EP400: variants seen among roughly 807,000 people sequenced by gnomAD.
EP400 encodes E1A-binding protein p400.
In EP400, 105 loss-of-function variants were observed where a neutral mutation model predicts 354.1. The observed-to-expected ratio is 0.30, with a 90% CI of 0.25 to 0.35. The LOEUF (loss-of-function observed/expected upper bound fraction) is 0.35, where lower values mean the gene tolerates loss of function less well. Among genes scored for constraint, EP400 ranks in the 10% least tolerant of loss-of-function variants. EP400 has a pLI of 1.00. For synonymous variants in EP400, 1,646 were observed against 1,716.9 expected (o/e 0.96, Z 1.02); for missense variants, 3,280 against 4,121.0 (o/e 0.80, Z 5.59).
chr12:132,044,734 CT>C lies in EP400; in HGVS notation c.6630+22del. 4.3e-6 allele frequency: 7 copies of C among 1,614,204 alleles called. No individual in the cohort carries two copies. Among genetic ancestry groups the C allele is most frequent in the Non-Finnish European group, 5.9e-6 (7 of 1,180,046 alleles). Reference sequence around the variant, plus strand: ...CATGCCGGTGAGTGCTGCCCTCTCCCTTTGTGTCTGTGTGGGCAGCTTCCTG... The same window carrying C: ...CATGCCGGTGAGTGCTGCCCTCTCCCTTGTGTCTGTGTGGGCAGCTTCCTG... On this transcript the variant is annotated intron_variant, in intron 36 of 52. Coordinates refer to ENST00000389561, the MANE Select transcript of EP400 (RefSeq NM_015409.5).
intron 2 of EP400, among the ~76,000 whole-genome samples, chr12:131,978,343 T>G (rs1326253146): frequency 2.6e-5 from 4 of 152,196 alleles, no homozygotes; most frequent in Non-Finnish European, 5.9e-5. Context: ...GTCATTAGCA[T>G]AGTACTGTAG....
chr12:132,059,628 A>G, intron 45 of EP400, among the ~76,000 whole-genome samples: 1 of 152,230 alleles, frequency 6.6e-6, no homozygotes, highest in East Asian at 1.9e-4. Flanking sequence ...CAGAGAAGAG[A>G]AGGCATTATG....
intron 2 of EP400, 106 bp from the exon 3 acceptor site, chr12:131,979,588 A>C: frequency 1.1e-6 from 1 of 895,760 alleles, no homozygotes; most frequent in South Asian, 1.9e-5. Context: ...CATTCCTGTT[A>C]TTAGAAAGGA....
intron 24 of EP400, among the ~76,000 whole-genome samples, chr12:132,024,484 T>G (rs934541293): frequency 2.0e-5 from 3 of 152,360 alleles, no homozygotes; most frequent in African/African-American, 7.2e-5. Context: ...AATCATTTTC[T>G]TCTATCAGCA....
rs1361086921 is a variant in EP400, at chr12:131,982,384, C to T, written c.1835C>T (p.Pro612Leu). 1 of 1,614,216 alleles carries T rather than the reference C, an allele frequency of 6.2e-7. No individual in the cohort carries two copies. Among genetic ancestry groups the T allele is most frequent in the Non-Finnish European group, 8.5e-7 (1 of 1,180,040 alleles). The change falls in exon 5 of 53, where the codon CCC becomes CTC. Residue 612 changes from proline to leucine, a missense_variant. Pro to Leu is a moderately conservative substitution (Grantham distance 98, BLOSUM62 -3). Transcript: ENST00000389561. ...PIPAPPSSQL[P>L]IPPSQPAQLA... ...CCTGCACCGCCCAGCAGCCAACTCC[C>T]CATCCCTCCCTCGCAGCCTGCACAG... is the stretch of plus-strand genomic sequence containing the variant.
At chr12:131,997,057 A>G (rs929140591) in intron 12 of EP400, among the ~76,000 whole-genome samples, 2 of 152,102 alleles carry the variant, frequency 1.3e-5, no homozygotes, top group Non-Finnish European at 2.9e-5. Flanking sequence ...GTTTTATTAT[A>G]GCCATGAGGA....
intron 2 of EP400, among the ~76,000 whole-genome samples, chr12:131,976,709 C>CA (rs1892487325): frequency 1.3e-5 from 2 of 151,868 alleles, no homozygotes; most frequent in African/African-American, 2.4e-5. Flanking sequence ...GACTCTGTCT[C>CA]AAAAAAACAA....
chr12:131,990,091 C>T lies in EP400; in HGVS notation c.2537C>T (p.Ser846Leu), dbSNP rs770918864. ...GCCCGGGAGATAGAGTGCTTTTGGT[C>T]GAATATTGAACAGGCGAGTGCTGCC... ...STAREIECFWSNIEQVVEIKL... is the reference protein window; with the variant it reads ...STAREIECFWLNIEQVVEIKL... The change falls in exon 8 of 53, where the codon TCG (serine) becomes TTG (leucine). Residue 846 changes from serine (S) to leucine (L), a missense_variant. Transcript: ENST00000389561. This position sits in a 1 kb window ranked among gnomAD's most constrained non-coding sequence, Gnocchi z 4.2. The T allele has an allele frequency of 3.7e-6, 6 of 1,608,886 alleles. No homozygotes were observed. The highest frequency in any genetic ancestry group is 1.1e-5 in the South Asian group (1 of 90,312).
chr12:132,025,631 G>C lies in EP400; in HGVS notation c.4856-15G>C, dbSNP rs367771199. Reference sequence around the variant, plus strand: ...ACATGCCTGTCATTGACACCTAGTGGACCTATGATTGCAGGCAGCGTCCTC... The same window carrying C: ...ACATGCCTGTCATTGACACCTAGTGCACCTATGATTGCAGGCAGCGTCCTC... On this transcript the variant is annotated splice_polypyrimidine_tract_variant and intron_variant, in intron 24 of 52. Coordinates refer to ENST00000389561, the MANE Select transcript of EP400 (RefSeq NM_015409.5). This position sits in a 1 kb window ranked among gnomAD's most constrained non-coding sequence, Gnocchi z 4.1. 3.3e-5 allele frequency: 52 copies of C among 1,586,432 alleles called. No homozygotes were observed. Among genetic ancestry groups the C allele is most frequent in the Non-Finnish European group, 4.1e-5 (48 of 1,166,254 alleles).
intron 51 of EP400, 38 bp downstream of exon 51, chr12:132,069,679 G>A (rs373547700): frequency 4.9e-5 from 79 of 1,609,860 alleles, no homozygotes; most frequent in Non-Finnish European, 5.6e-5. Context: ...AGTGTCAGGA[G>A]TGGGTGCCCG....
At chr12:132,074,296 G>T (rs987354695) in intron 51 of EP400, among the ~76,000 whole-genome samples, 1 of 152,116 alleles carries the variant, frequency 6.6e-6, no homozygotes, top group Non-Finnish European at 1.5e-5. Flanking sequence ...AAGAGGAGCC[G>T]GTGTCTGTCC....
intron 7 of EP400, among the ~76,000 whole-genome samples, chr12:131,988,560 T>A (rs569390171): frequency 6.6e-6 from 1 of 152,302 alleles, no homozygotes; most frequent in Admixed American, 6.5e-5. Context: ...AGTCTAGCTT[T>A]CTCTTTAATT....
rs1894781659 is a variant in EP400 at position 132,038,278 on chromosome 12, A to T, written c.6207+182A>T. The stretch of plus-strand genomic sequence containing the variant: ...CTGTCATGGGGATTTTGAACTGTAA[A>T]TACAAGTGAGGGGAATGGTGGCGAA... On this transcript the variant is annotated intron_variant, in intron 32 of 52. Transcript: ENST00000389561. The surrounding 1 kb of genome is among the most constrained non-coding windows in gnomAD (Gnocchi z 4.2). Among the ~76,000 whole-genome samples the T allele has an allele frequency of 6.6e-6, 1 of 152,116 alleles. No homozygotes were observed. Among genetic ancestry groups the T allele is most frequent in the Non-Finnish European group, 1.5e-5 (1 of 68,010 alleles).
At position 132,064,740 on chromosome 12, in the gene EP400, G is replaced by A. The variant is rs936464848; in HGVS notation, c.8407G>A (p.Ala2803Thr). ...GCCCCCACCGCCACAGGCCCAGTCT[G>A]CGCCCCCGCAGCCAACAGCCCAAGT... Reference protein sequence around the residue: ...PQPPPPQAQSAPPQPTAQVQV... With the variant: ...PQPPPPQAQSTPPQPTAQVQV... The change falls in exon 48 of 53, where the codon GCG (alanine) becomes ACG (threonine). Residue 2803 changes from alanine to threonine, a missense_variant. Around this residue, in one of 20 missense-constraint regions of EP400, gnomAD observed 86 missense variants for 66.4 expected, o/e 1.29. Transcript: ENST00000389561. The A allele has an allele frequency of 2.5e-6, 4 of 1,613,638 alleles. No homozygotes were observed. Among genetic ancestry groups the A allele is most frequent in the Non-Finnish European group, 3.4e-6 (4 of 1,179,930 alleles).
chr12:131,973,536 G>A (rs538460703), intron 2 of EP400, among the ~76,000 whole-genome samples: 2 of 152,290 alleles, frequency 1.3e-5, no homozygotes, highest in East Asian at 3.9e-4. Flanking sequence ...CCAGCTACTT[G>A]AGAGGCTGAG....
intron 47 of EP400, 103 bp downstream of exon 47, chr12:132,062,804 T>C: frequency 2.1e-6 from 3 of 1,447,720 alleles, no homozygotes; most frequent in Non-Finnish European, 2.8e-6. Flanking sequence ...AGAGTGTATT[T>C]TGCAAACGTC....
Position 132,038,342 on chromosome 12 carries a change from C to T in EP400, c.6207+246C>T, listed in dbSNP as rs1010990398. Among the ~76,000 whole-genome samples the T allele has an allele frequency of 6.6e-6, 1 of 152,220 alleles. No homozygotes were observed. The highest frequency in any genetic ancestry group is 2.4e-5 in the African/African-American group (1 of 41,460). ...AGGCCTGTCACCGAAGCAGTCGCTG[C>T]CGTCTTCATCTGCACTTTGCCACAG... is the stretch of plus-strand genomic sequence containing the variant. On this transcript the variant is annotated intron_variant, in intron 32 of 52. Transcript: ENST00000389561. This position sits in a 1 kb window ranked among gnomAD's most constrained non-coding sequence, Gnocchi z 4.2.
Position 131,987,902 on chromosome 12 carries a change from T to C in EP400, c.2409+12T>C, listed in dbSNP as rs1458910801. 3 of 1,594,652 alleles carry C rather than the reference T, an allele frequency of 1.9e-6. No individual in the cohort carries two copies. The highest frequency in any genetic ancestry group is 2.7e-5 in the African/African-American group (2 of 74,530). ...CTGCTGCGAAGAAGGTGGGTTGGAA[T>C]GCGTGGAGCTGCTGTGCTGTGTGCG... On this transcript the variant is annotated intron_variant, in intron 7 of 52. Coordinates refer to ENST00000389561, the MANE Select transcript of EP400 (RefSeq NM_015409.5).
At chr12:132,001,450 A>G (rs1207882647) in intron 12 of EP400, among the ~76,000 whole-genome samples, 3 of 152,248 alleles carry the variant, frequency 2.0e-5, no homozygotes, top group Non-Finnish European at 4.4e-5. Context: ...CCACGTGTAC[A>G]GGATGGAACA....
Sources: gnomAD v4.1 joint callset for allele counts (sites outside exome capture counted in the v4.1 genomes callset) on GRCh38, gnomAD v4.1.1 for gene constraint, gnomAD v4.1.1 regional missense constraint, Gnocchi (gnomAD v3.1) non-coding constraint, MANE v1.5 for transcripts, NCBI Gene and HGNC (gene_info 2026-07-23, HGNC 2026-07-21) for gene names.